FOXO3: variants seen among roughly 807,000 people sequenced by gnomAD.
FOXO3 encodes the protein forkhead box protein O3.
A neutral mutation model predicts 41.9 loss-of-function variants in FOXO3; 4 were observed. The observed-to-expected ratio is 0.10, with a 90% confidence interval of 0.05 to 0.22. The LOEUF (loss-of-function observed/expected upper bound fraction) is 0.22, where lower values mean the gene tolerates loss of function less well. Ranked by LOEUF, FOXO3 falls within the 10% of genes least tolerant of loss-of-function variation. The pLI, the probability that FOXO3 is intolerant of heterozygous loss-of-function variation, is 1.00. For missense variants in FOXO3, 534 were observed against 906.8 expected, an observed-to-expected ratio of 0.59 and a Z score of 5.28; for synonymous variants, 318 against 389.3, an observed-to-expected ratio of 0.82 and a Z score of 2.16.
chr6:108,583,193 A>C (rs553306565), intron 1 of FOXO3, among the ~76,000 whole-genome samples: 18 of 152,322 alleles, frequency 1.2e-4, no homozygotes, highest in African/African-American at 3.6e-4. Context: ...TCCTCGCTTC[A>C]GACTCACTAC....
intron 1 of FOXO3, among the ~76,000 whole-genome samples, chr6:108,632,666 A>G (rs116540905): frequency 9.7e-4 from 147 of 152,234 alleles, no homozygotes; most frequent in African/African-American, 3.4e-3. Flanking sequence ...AGCTGGCACT[A>G]CGTTTGAGCT....
chr6:108,626,738 A>G (rs185888323), intron 1 of FOXO3, among the ~76,000 whole-genome samples: 1 of 151,972 alleles, frequency 6.6e-6, no homozygotes, highest in African/African-American at 2.4e-5. Flanking sequence ...CCATGCCAGT[A>G]TTTTGGTTAG....
chr6:108,657,340 C>T (rs1778717516), intron 1 of FOXO3, among the ~76,000 whole-genome samples: 1 of 152,162 alleles, frequency 6.6e-6, no homozygotes, highest in South Asian at 2.1e-4. Context: ...ATCTTGATTT[C>T]TAAGTACTGA....
intron 1 of FOXO3, among the ~76,000 whole-genome samples, chr6:108,656,970 A>G (rs1778705065): frequency 6.6e-6 from 1 of 152,246 alleles, no homozygotes; most frequent in Admixed American, 6.5e-5. Context: ...AGGAATCTCT[A>G]GGCAGCAGGA....
At chr6:108,622,949 A>G (rs1432772712) in intron 1 of FOXO3, among the ~76,000 whole-genome samples, 1 of 150,762 alleles carries the variant, frequency 6.6e-6, no homozygotes, top group African/African-American at 2.4e-5. Context: ...AAAAAAAAAA[A>G]GCTGGAAGAG....
intron 2 of FOXO3, among the ~76,000 whole-genome samples, chr6:108,679,399 T>C (rs1770757766): frequency 6.6e-6 from 1 of 152,186 alleles, no homozygotes; most frequent in South Asian, 2.1e-4. Flanking sequence ...ATAACTCATC[T>C]ACTTAGGATG....
At chr6:108,563,356 G>C (rs1442784779) in intron 1 of FOXO3, among the ~76,000 whole-genome samples, 1 of 152,156 alleles carries the variant, frequency 6.6e-6, no homozygotes, top group Non-Finnish European at 1.5e-5. Flanking sequence ...CTTATATTTG[G>C]TTTAATTCAA....
chr6:108,624,777 A>C (rs1199950504), intron 1 of FOXO3, among the ~76,000 whole-genome samples: 1 of 152,040 alleles, frequency 6.6e-6, no homozygotes, highest in African/African-American at 2.4e-5. Context: ...TATACATATA[A>C]ATTTTTTTTG....
Position 108,561,364 on chromosome 6 carries a change from C to A in FOXO3, c.156C>A (p.Ala52=), listed in dbSNP as rs755319551. The part of the protein sequence containing the change: ...ASPAKPSGET[A]ADSMIPEEED... ...CTGCCAAGCCCTCGGGGGAGACGGC[C>A]GCCGACTCCATGATCCCCGAGGAGG... Residue 52 remains alanine (A), a synonymous_variant, in exon 1 of 3, where the codon GCC becomes GCA. Transcript: ENST00000406360. 1.3e-6 allele frequency: 2 copies of A among 1,562,702 alleles called. No individual in the cohort carries two copies. Among genetic ancestry groups the A allele is most frequent in the East Asian group, 4.7e-5 (2 of 42,160 alleles).
At chr6:108,574,739 A>C (rs1374794112) in intron 1 of FOXO3, among the ~76,000 whole-genome samples, 3 of 152,228 alleles carry the variant, frequency 2.0e-5, no homozygotes. Context: ...AATAAGACCT[A>C]AAATGGTGGT....
intron 1 of FOXO3, among the ~76,000 whole-genome samples, chr6:108,618,778 C>G (rs1777587362): frequency 6.6e-6 from 1 of 152,200 alleles, no homozygotes. Flanking sequence ...ATGTGCAGAT[C>G]AGTCTAAGAC....
At chr6:108,591,978 A>G (rs1776743734) in intron 1 of FOXO3, among the ~76,000 whole-genome samples, 1 of 152,172 alleles carries the variant, frequency 6.6e-6, no homozygotes, top group Non-Finnish European at 1.5e-5. Flanking sequence ...GATACATAGC[A>G]TGGATGAATG....
chr6:108,676,434 G>A lies in FOXO3; in HGVS notation c.*35-3393G>A, dbSNP rs552051426. Among the ~76,000 whole-genome samples the A allele has an allele frequency of 9.9e-5, 15 of 152,212 alleles. No individual in the cohort carries two copies. The South Asian group carries it at 2.9e-3, about 29-fold the overall frequency. On this transcript the variant is annotated intron_variant, in intron 2 of 2. Transcript: ENST00000406360. Reference sequence around the variant, plus strand: ...TTTTTGTATTTTTGGTAGGGACGGGGTTTTGCCATGTTGCCCAGGGTGGTC... The same window carrying A: ...TTTTTGTATTTTTGGTAGGGACGGGATTTTGCCATGTTGCCCAGGGTGGTC...
At chr6:108,564,681 C>G (rs534882558) in intron 1 of FOXO3, among the ~76,000 whole-genome samples, 1 of 152,240 alleles carries the variant, frequency 6.6e-6, no homozygotes, top group Admixed American at 6.5e-5. Flanking sequence ...TGGTTCTCAG[C>G]CCTGGTTGCA....
intron 1 of FOXO3, among the ~76,000 whole-genome samples, chr6:108,657,478 C>T (rs1778720816): frequency 6.6e-6 from 1 of 152,114 alleles, no homozygotes; most frequent in Non-Finnish European, 1.5e-5. Flanking sequence ...CTATCTTAGC[C>T]TTAAGGAAGG....
At chr6:108,641,114 T>A (rs1209548722) in intron 1 of FOXO3, among the ~76,000 whole-genome samples, 1 of 152,110 alleles carries the variant, frequency 6.6e-6, no homozygotes, top group African/African-American at 2.4e-5. Flanking sequence ...TTCACCATGT[T>A]GGCCAGGCTG....
intron 1 of FOXO3, among the ~76,000 whole-genome samples, chr6:108,606,920 C>T (rs1333444277): frequency 6.6e-6 from 1 of 152,158 alleles, no homozygotes; most frequent in East Asian, 1.9e-4. Context: ...CAATGCTTGT[C>T]CTGCCACCAG....
At chr6:108,669,460 C>G (rs1468048922) in intron 2 of FOXO3, among the ~76,000 whole-genome samples, 1 of 152,122 alleles carries the variant, frequency 6.6e-6, no homozygotes, top group Non-Finnish European at 1.5e-5. Context: ...AATGTAACAT[C>G]TGATAAATAT....
At chr6:108,616,787 A>G (rs1447416673) in intron 1 of FOXO3, among the ~76,000 whole-genome samples, 1 of 152,162 alleles carries the variant, frequency 6.6e-6, no homozygotes, top group East Asian at 1.9e-4. Context: ...ATTAGCGGTC[A>G]TTTCCCATGT....
Sources: allele counts gnomAD v4.1 joint callset (sites outside exome capture counted in the v4.1 genomes callset), GRCh38; gene constraint gnomAD v4.1.1; transcripts MANE v1.5; gene names NCBI Gene and HGNC (gene_info 2026-07-23, HGNC 2026-07-21).